GLP1R: variants seen among roughly 807,000 people sequenced by gnomAD.
GLP1R encodes the protein glucagon-like peptide 1 receptor.
A neutral mutation model predicts 68.4 loss-of-function variants in GLP1R; 32 were observed. The ratio of observed to expected loss-of-function variants is 0.47; its 90% CI spans 0.35 to 0.63. The LOEUF (loss-of-function observed/expected upper bound fraction) is 0.63, where lower values mean the gene tolerates loss of function less well. Among genes scored for constraint, GLP1R ranks in the 20% least tolerant of loss-of-function variants. GLP1R has a pLI of 0.00. For missense variants in GLP1R, 502 were observed against 594.9 expected, an observed-to-expected ratio of 0.84 and a Z score of 1.62; for synonymous variants, 263 against 244.4, an observed-to-expected ratio of 1.08 and a Z score of -0.71.
chr6:39,079,211 T>A lies in GLP1R; in HGVS notation c.1043+11T>A. 6.3e-7 allele frequency: 1 copy of A among 1,592,346 alleles called. No individual in the cohort carries two copies. The highest frequency in any genetic ancestry group is 8.6e-7 in the Non-Finnish European group (1 of 1,160,172). On this transcript the variant is annotated intron_variant, in intron 10 of 12. Coordinates refer to ENST00000373256, the MANE Select transcript of GLP1R (RefSeq NM_002062.5). The surrounding 1 kb of genome is among the most constrained non-coding windows in gnomAD (Gnocchi z 4.5). The stretch of plus-strand genomic sequence containing the variant: ...AGACATCAAATGCAGGTGATGTAAC[T>A]GAGCTGGCTTTACTGAGGACCCTCA...
chr6:39,059,871 TTTTA>T (rs1768314454), intron 3 of GLP1R, among the ~76,000 whole-genome samples: 1 of 152,098 alleles, frequency 6.6e-6, no homozygotes, highest in Admixed American at 6.5e-5. Flanking sequence ...TCACCTTTAA[TTTTA>T]TTTGAGCAGG....
chr6:39,072,713 A>G, intron 5 of GLP1R, 149 bp from the exon 6 acceptor site: 1 of 654,204 alleles, frequency 1.5e-6, no homozygotes, highest in South Asian at 2.0e-5. Context: ...TTTCACGATG[A>G]TGAGGAAGAA....
chr6:39,082,131 T>C (rs532454335), intron 12 of GLP1R, among the ~76,000 whole-genome samples: 3 of 152,210 alleles, frequency 2.0e-5, no homozygotes, highest in Non-Finnish European at 4.4e-5. Context: ...GGGAGGGGAA[T>C]GTTCCCTTGT....
chr6:39,065,824 G>C lies in GLP1R; in HGVS notation c.397G>C (p.Glu133Gln), dbSNP rs1372183942. The change falls in exon 4 of 13, where the codon GAA becomes CAA. Residue 133 changes from glutamate (E) to glutamine (Q), a missense_variant. Coordinates refer to ENST00000373256, the MANE Select transcript of GLP1R (RefSeq NM_002062.5). ...GGAGTGCGAGGAGTCCAAGCGAGGGGAAAGAGTGAGTTGAGGCGGGGTTCT... is the reference window on the plus strand; with the variant it reads ...GGAGTGCGAGGAGTCCAAGCGAGGGCAAAGAGTGAGTTGAGGCGGGGTTCT... The part of the protein sequence containing the change: ...LSECEESKRG[E>Q]RSSPEEQLLF... 6.3e-7 allele frequency: 1 copy of C among 1,590,342 alleles called. No individual in the cohort carries two copies. Among genetic ancestry groups the C allele is most frequent in the Admixed American group, 1.7e-5 (1 of 59,436 alleles).
chr6:39,066,525 T>C (rs1223085777), intron 5 of GLP1R, among the ~76,000 whole-genome samples: 4 of 152,190 alleles, frequency 2.6e-5, no homozygotes, highest in Admixed American at 2.0e-4. Context: ...GCGTATGTAC[T>C]GCAAAAAAGA....
At chr6:39,076,212 A>G (rs1044355955) in intron 7 of GLP1R, among the ~76,000 whole-genome samples, 1 of 152,152 alleles carries the variant, frequency 6.6e-6, no homozygotes, top group Non-Finnish European at 1.5e-5. Context: ...TGGTTCAGGA[A>G]ATCGGCATGC....
At chr6:39,082,964 C>T (rs1769045907) in intron 12 of GLP1R, among the ~76,000 whole-genome samples, 1 of 152,158 alleles carries the variant, frequency 6.6e-6, no homozygotes. Flanking sequence ...TCCCCTGACC[C>T]CTGGCTCAGC....
chr6:39,065,535 C>T (rs1481825232), intron 3 of GLP1R, among the ~76,000 whole-genome samples, 176 bp from the exon 4 acceptor site: 1 of 152,116 alleles, frequency 6.6e-6, no homozygotes, highest in Non-Finnish European at 1.5e-5. Flanking sequence ...GAGGAAGGTC[C>T]AGGTGTGTGT....
intron 1 of GLP1R, among the ~76,000 whole-genome samples, chr6:39,052,347 A>C (rs969687776): frequency 7.2e-5 from 11 of 152,074 alleles, no homozygotes; most frequent in African/African-American, 2.4e-4. Context: ...GACTTCTGGG[A>C]GGTGACACAG....
Position 39,078,953 on chromosome 6 carries a change from C to T in GLP1R, c.885-4C>T, listed in dbSNP as rs376187336. The T allele has an allele frequency of 6.2e-7, 1 of 1,613,420 alleles. No individual in the cohort carries two copies. The highest frequency in any genetic ancestry group is 1.3e-5 in the African/African-American group (1 of 74,886). On this transcript the variant is annotated splice_polypyrimidine_tract_variant and splice_region_variant and intron_variant, in intron 8 of 12. Transcript: ENST00000373256. ...TGCATGTGTGCATCTCTCTCCCTCCCCAGCTGCTGGACCAGGAACTCCAAC... is the reference window on the plus strand; with the variant it reads ...TGCATGTGTGCATCTCTCTCCCTCCTCAGCTGCTGGACCAGGAACTCCAAC...
rs146221300 is a variant in GLP1R at position 39,088,118 on chromosome 6, T to C, written c.*2045T>C. 2.6e-5 allele frequency among the ~76,000 whole-genome samples: 4 copies of C among 152,200 alleles called. No individual in the cohort carries two copies. In the East Asian group the frequency reaches 7.7e-4, roughly 29 times the overall value. On this transcript the variant is annotated 3_prime_UTR_variant, in exon 13 of 13. Coordinates refer to ENST00000373256, the MANE Select transcript of GLP1R (RefSeq NM_002062.5). The stretch of plus-strand genomic sequence containing the variant: ...TAGGCACCTGGGAAGCTCAAATCAT[T>C]TAGTTTAAACTGTAAGTAGAGTTGT...
chr6:39,084,049 G>A (rs888648047), intron 12 of GLP1R, among the ~76,000 whole-genome samples: 2 of 152,148 alleles, frequency 1.3e-5, no homozygotes, highest in African/African-American at 4.8e-5. Flanking sequence ...GTGCTCCCAG[G>A]TGAGAGGTAG....
chr6:39,060,902 A>G (rs1237324338), intron 3 of GLP1R, among the ~76,000 whole-genome samples: 1 of 152,168 alleles, frequency 6.6e-6, no homozygotes, highest in East Asian at 1.9e-4. Flanking sequence ...CATGGAGCTG[A>G]AGGTCGGCTC....
At position 39,079,052 on chromosome 6, in the gene GLP1R, G is replaced by A. The variant is rs371656852; in HGVS notation, c.954+26G>A. The A allele has an allele frequency of 6.2e-7, 1 of 1,610,900 alleles. No individual in the cohort carries two copies. Among genetic ancestry groups the A allele is most frequent in the Non-Finnish European group, 8.5e-7 (1 of 1,177,138 alleles). On this transcript the variant is annotated intron_variant, in intron 9 of 12. Transcript: ENST00000373256. This position sits in a 1 kb window ranked among gnomAD's most constrained non-coding sequence, Gnocchi z 4.5. ...GTGAGTGATGGTGTCAGGGATGGGA[G>A]TGGCAGCTATGATAGGGCTGGGCTG...
chr6:39,085,223 C>G (rs1562020529), intron 12 of GLP1R, among the ~76,000 whole-genome samples: 1 of 152,228 alleles, frequency 6.6e-6, no homozygotes, highest in Non-Finnish European at 1.5e-5. Context: ...TCCTGAGAGG[C>G]TTTTCCTGAT....
At chr6:39,057,076 G>T (rs1375338875) in intron 2 of GLP1R, among the ~76,000 whole-genome samples, 1 of 152,244 alleles carries the variant, frequency 6.6e-6, no homozygotes, top group Non-Finnish European at 1.5e-5. Flanking sequence ...TATCTTAAGT[G>T]AGATCAGAAG....
rs1037413703 is a variant in GLP1R, at chr6:39,088,153, G to A, written c.*2080G>A. On this transcript the variant is annotated 3_prime_UTR_variant, in exon 13 of 13. Coordinates refer to ENST00000373256, the MANE Select transcript of GLP1R (RefSeq NM_002062.5). Reference sequence around the variant, plus strand: ...CTGTAAGTAGAGTTGTCTTCCCAACGAGAACTGGTGATTCCTGATTTCAGA... The same window carrying A: ...CTGTAAGTAGAGTTGTCTTCCCAACAAGAACTGGTGATTCCTGATTTCAGA... Among the ~76,000 whole-genome samples the A allele has an allele frequency of 6.6e-6, 1 of 152,218 alleles. No individual in the cohort carries two copies. Among genetic ancestry groups the A allele is most frequent in the Middle Eastern group, 3.4e-3 (1 of 294 alleles).
intron 3 of GLP1R, among the ~76,000 whole-genome samples, chr6:39,061,192 T>A (rs1768348683): frequency 1.3e-5 from 2 of 152,160 alleles, no homozygotes; most frequent in African/African-American, 4.8e-5. Flanking sequence ...GGTCTCAGGA[T>A]TGTGCAGAGA....
chr6:39,054,623 C>G (rs555922311), intron 1 of GLP1R, among the ~76,000 whole-genome samples: 56 of 152,314 alleles, frequency 3.7e-4, no homozygotes, highest in Admixed American at 1.2e-3. Flanking sequence ...TAACCCCTCC[C>G]CCCGCCTCTG....
Sources: gnomAD v4.1 joint callset for allele counts (sites outside exome capture counted in the v4.1 genomes callset) on GRCh38, gnomAD v4.1.1 for gene constraint, Gnocchi (gnomAD v3.1) non-coding constraint, MANE v1.5 for transcripts, NCBI Gene and HGNC (gene_info 2026-07-23, HGNC 2026-07-21) for gene names.